The following STAU2 variants were observed in gnomAD, a reference collection of about 807,000 sequenced individuals.
The protein encoded by STAU2 is double-stranded RNA-binding protein Staufen homolog 2.
STAU2 carries 20 observed loss-of-function variants against 65.9 expected under a neutral mutation model. The ratio of observed to expected loss-of-function variants is 0.30; its 90% CI spans 0.21 to 0.44. The LOEUF is 0.44. Ranked by LOEUF, STAU2 falls within the 20% of genes least tolerant of loss-of-function variation. The pLI, the probability that STAU2 is intolerant of heterozygous loss-of-function variation, is 1.00. For synonymous variants in STAU2, 232 were observed against 233.9 expected, an observed-to-expected ratio of 0.99 and a Z score of 0.07; for missense variants, 558 against 683.9, an observed-to-expected ratio of 0.82 and a Z score of 2.05.
At chr8:73,529,026 A>C (rs1213944739) in intron 13 of STAU2, among the ~76,000 whole-genome samples, 1 of 152,140 alleles carries the variant, frequency 6.6e-6, no homozygotes, top group Non-Finnish European at 1.5e-5. Context: ...CTTCCTGGGA[A>C]TCTATAAAAG....
chr8:73,510,661 CCTT>C (rs1822342489), intron 13 of STAU2, among the ~76,000 whole-genome samples: 1 of 152,144 alleles, frequency 6.6e-6, no homozygotes, highest in African/African-American at 2.4e-5. Flanking sequence ...GCAAACACAT[CCTT>C]CTTCACATAG....
At chr8:73,702,790 T>C (rs367953171) in intron 4 of STAU2, among the ~76,000 whole-genome samples, 3 of 152,170 alleles carry the variant, frequency 2.0e-5, no homozygotes, top group South Asian at 2.1e-4. Flanking sequence ...CACAAAAAGA[T>C]AGCCAGCATT....
At chr8:73,713,964 C>T (rs1319048556) in intron 3 of STAU2, among the ~76,000 whole-genome samples, 2 of 151,952 alleles carry the variant, frequency 1.3e-5, no homozygotes, top group Admixed American at 6.6e-5. Context: ...AGTGCAAGGG[C>T]GCGATCTCGG....
intron 3 of STAU2, chr8:73,733,001 T>A (rs1806176708): frequency 6.6e-6 from 1 of 152,010 alleles, no homozygotes; most frequent in African/African-American, 2.4e-5. Flanking sequence ...TTCTTGGTAG[T>A]CATACTCTGG....
chr8:73,618,186 A>G (rs532686250), intron 6 of STAU2, among the ~76,000 whole-genome samples: 34 of 152,312 alleles, frequency 2.2e-4, no homozygotes, highest in African/African-American at 7.2e-4. Flanking sequence ...ATGAACAACA[A>G]CACTTAGAGT....
At chr8:73,681,237 A>T (rs1818406371) in intron 5 of STAU2, among the ~76,000 whole-genome samples, 1 of 152,142 alleles carries the variant, frequency 6.6e-6, no homozygotes, top group African/African-American at 2.4e-5. Context: ...TAACCTATAA[A>T]GAAAAACCTA....
At position 73,485,556 on chromosome 8, in the gene STAU2, A is replaced by G. The variant is rs139677183; in HGVS notation, c.1531-62854T>C. Among the ~76,000 whole-genome samples the G allele has an allele frequency of 1.2e-4, 18 of 152,212 alleles. No individual in the cohort carries two copies. The East Asian group carries it at 3.5e-3, about 30-fold the overall frequency. On this transcript the variant is annotated intron_variant, in intron 13 of 14. Coordinates refer to ENST00000524300, the MANE Select transcript of STAU2 (RefSeq NM_001164380.2). ...AGGTGGCTACTGCAATGGGATTTCA[A>G]GAACCAATATAATGGCAAGCTCGGT...
chr8:73,477,514 G>A (rs898594419), intron 13 of STAU2, among the ~76,000 whole-genome samples: 2 of 152,186 alleles, frequency 1.3e-5, no homozygotes, highest in Non-Finnish European at 2.9e-5. Context: ...TCACTTCTTT[G>A]AAAGCATTTA....
intron 4 of STAU2, 44 bp downstream of exon 4, chr8:73,708,988 T>C: frequency 7.0e-7 from 1 of 1,437,294 alleles, no homozygotes; most frequent in Non-Finnish European, 9.1e-7. Context: ...GATAAATCTG[T>C]TAGTCTGATA....
chr8:73,623,499 C>T (rs1187694860), intron 6 of STAU2, among the ~76,000 whole-genome samples: 4 of 152,158 alleles, frequency 2.6e-5, no homozygotes, highest in Non-Finnish European at 1.5e-5. Flanking sequence ...TATGAAAATG[C>T]TATCTTCCGA....
chr8:73,549,792 A>G (rs1215425531), intron 13 of STAU2: 20 of 985,556 alleles, frequency 2.0e-5, no homozygotes, highest in Non-Finnish European at 2.3e-5. Flanking sequence ...GAAACACAGA[A>G]AAAGAATTTA....
At chr8:73,568,969 G>T (rs1808828270) in intron 12 of STAU2, among the ~76,000 whole-genome samples, 1 of 152,112 alleles carries the variant, frequency 6.6e-6, no homozygotes, top group Non-Finnish European at 1.5e-5. Context: ...TCTCACTGGG[G>T]CTTGTCGGAC....
intron 3 of STAU2, among the ~76,000 whole-genome samples, chr8:73,720,274 A>T (rs1319794496): frequency 6.6e-6 from 1 of 151,842 alleles, no homozygotes; most frequent in Admixed American, 6.6e-5. Flanking sequence ...CTGTCTCAAA[A>T]AAAAAGCTAT....
At chr8:73,717,137 A>C (rs904039748) in intron 3 of STAU2, among the ~76,000 whole-genome samples, 1 of 152,074 alleles carries the variant, frequency 6.6e-6, no homozygotes, top group African/African-American at 2.4e-5. Flanking sequence ...AAAAAGATGA[A>C]TTGCTAACAA....
intron 13 of STAU2, among the ~76,000 whole-genome samples, chr8:73,507,997 C>T (rs933937702): frequency 2.0e-5 from 3 of 152,184 alleles, no homozygotes; most frequent in African/African-American, 7.2e-5. Flanking sequence ...CTGGATTAGG[C>T]TTTGGCTTAA....
In STAU2 at chr8:73,579,699, T is replaced by C. The variant is rs555430486; in HGVS notation, c.1222+3071A>G. Among the ~76,000 whole-genome samples the C allele has an allele frequency of 3.1e-4, 47 of 152,308 alleles. No homozygotes were observed. In the South Asian group the frequency reaches 9.1e-3, roughly 30 times the overall value. ...TTACAGAGTTATGTGTTTTTATTCT[T>C]CAACATAACTATTACAGTGATTCAA... On this transcript the variant is annotated intron_variant, in intron 12 of 14. Coordinates refer to ENST00000524300, the MANE Select transcript of STAU2 (RefSeq NM_001164380.2).
chr8:73,581,976 G>A (rs558661397), intron 12 of STAU2, among the ~76,000 whole-genome samples: 8 of 152,156 alleles, frequency 5.3e-5, no homozygotes, highest in African/African-American at 1.4e-4. Flanking sequence ...GGTTGGAAAT[G>A]GGATAGACTG....
intron 1 of STAU2, among the ~76,000 whole-genome samples, chr8:73,744,563 T>C (rs1263808734): frequency 6.6e-6 from 1 of 152,128 alleles, no homozygotes; most frequent in Non-Finnish European, 1.5e-5. Context: ...CTGGATTGTT[T>C]GTATATTTAA....
chr8:73,543,257 G>A (rs1003916749), intron 13 of STAU2, among the ~76,000 whole-genome samples: 1 of 152,172 alleles, frequency 6.6e-6, no homozygotes, highest in African/African-American at 2.4e-5. Context: ...GTGGTTGTCT[G>A]GAGGTGAGGA....
Sources: gnomAD v4.1 joint callset for allele counts (sites outside exome capture counted in the v4.1 genomes callset) on GRCh38, gnomAD v4.1.1 for gene constraint, MANE v1.5 for transcripts, NCBI Gene and HGNC (gene_info 2026-07-23, HGNC 2026-07-21) for gene names.